TMEM131: variants seen among roughly 807,000 people sequenced by gnomAD.
The protein encoded by TMEM131 is 2610524E03Rik.
TMEM131 carries 66 observed loss-of-function variants against 211.6 expected under a neutral mutation model. The observed-to-expected ratio is 0.31, with a 90% CI of 0.26 to 0.38. The LOEUF (loss-of-function observed/expected upper bound fraction) is 0.38. Among genes scored for constraint, TMEM131 ranks in the 10% least tolerant of loss-of-function variants. TMEM131 has a pLI of 1.00. For synonymous variants in TMEM131, 844 were observed against 841.3 expected (o/e 1.00, Z -0.06); for missense variants, 2,036 against 2,299.3 (o/e 0.89, Z 2.34).
At chr2:97,776,136 C>T in intron 31 of TMEM131, 118 bp from the exon 32 acceptor site, 6 of 1,013,124 alleles carry the variant, frequency 5.9e-6, no homozygotes, top group Non-Finnish European at 8.5e-6. Context: ...TCACTGCAAG[C>T]TCCGCCTCCC....
At chr2:97,875,511 A>T (rs1410277070) in intron 4 of TMEM131, among the ~76,000 whole-genome samples, 1 of 152,228 alleles carries the variant, frequency 6.6e-6, no homozygotes, top group African/African-American at 2.4e-5. Context: ...AAATCATAAC[A>T]AACAGTTTCT....
chr2:97,792,637 A>G lies in TMEM131; in HGVS notation c.3893T>C (p.Leu1298Pro). 6.2e-7 allele frequency: 1 copy of G among 1,613,662 alleles called. No individual in the cohort carries two copies. Among genetic ancestry groups the G allele is most frequent in the Non-Finnish European group, 8.5e-7 (1 of 1,179,764 alleles). ...HGSQHHAHSP[L>P]EQHPQPPLPP... Reference sequence around the variant, plus strand: ...CAGAGGAGGCTGAGGGTGCTGCTCCAGCGGGCTGTGGGCATGGTGCTGGCT... The same window carrying G: ...CAGAGGAGGCTGAGGGTGCTGCTCCGGCGGGCTGTGGGCATGGTGCTGGCT... The change falls in exon 31 of 41, where the codon CTG becomes CCG. Residue 1298 changes from leucine (L) to proline (P), a missense_variant. Physicochemically the swap from Leu to Pro is moderately conservative, Grantham distance 98. Around this residue, in one of 3 missense-constraint regions of TMEM131, gnomAD observed 1,623 missense variants for 1,805.9 expected, o/e 0.90. Coordinates refer to ENST00000186436, the MANE Select transcript of TMEM131 (RefSeq NM_015348.2).
chr2:97,824,147 T>C (rs915476523), intron 11 of TMEM131, among the ~76,000 whole-genome samples: 2 of 152,150 alleles, frequency 1.3e-5, no homozygotes, highest in African/African-American at 4.8e-5. Flanking sequence ...GATTGTCCAA[T>C]GAAAAATAAG....
intron 4 of TMEM131, among the ~76,000 whole-genome samples, chr2:97,876,196 G>C (rs959967406): frequency 2.0e-5 from 3 of 152,170 alleles, no homozygotes; most frequent in African/African-American, 7.2e-5. Flanking sequence ...AACAAGTTCT[G>C]AAATTGAGGC....
chr2:97,814,126 T>G lies in TMEM131; in HGVS notation c.1462A>C (p.Lys488Gln), dbSNP rs758633976. ...KTMFKVHNFS[K>Q]PVLILPNESG... Reference sequence around the variant, plus strand: ...TCATTAGGAAGAATTAAGACTGGTTTGCTGAAGTTGTGAACCTGAGAAATG... The same window carrying G: ...TCATTAGGAAGAATTAAGACTGGTTGGCTGAAGTTGTGAACCTGAGAAATG... The change falls in exon 15 of 41, where the codon AAA (lysine) becomes CAA (glutamine). Residue 488 changes from lysine to glutamine, a missense_variant. Lys to Gln is a moderately conservative substitution (Grantham distance 53, BLOSUM62 1). Transcript: ENST00000186436. 6.2e-7 allele frequency: 1 copy of G among 1,611,772 alleles called. No homozygotes were observed. Among genetic ancestry groups the G allele is most frequent in the African/African-American group, 1.3e-5 (1 of 74,902 alleles).
At chr2:97,884,656 C>G (rs1327471288) in intron 4 of TMEM131, among the ~76,000 whole-genome samples, 1 of 152,136 alleles carries the variant, frequency 6.6e-6, no homozygotes, top group Non-Finnish European at 1.5e-5. Flanking sequence ...TAACTGATCC[C>G]TTTATCTCAT....
chr2:97,838,695 G>A (rs897402295), intron 7 of TMEM131, among the ~76,000 whole-genome samples: 16 of 151,936 alleles, frequency 1.1e-4, no homozygotes, highest in African/African-American at 1.9e-4. Context: ...CACCCATCTC[G>A]GCCTCCCAAA....
intron 11 of TMEM131, among the ~76,000 whole-genome samples, chr2:97,827,045 A>G (rs967965049): frequency 8.7e-5 from 13 of 150,246 alleles, no homozygotes; most frequent in Non-Finnish European, 1.9e-4. Context: ...AAAAGACACA[A>G]TGGGTATTCA....
At chr2:97,839,596 CAATA>C (rs1229356452) in intron 7 of TMEM131, among the ~76,000 whole-genome samples, 6 of 152,172 alleles carry the variant, frequency 3.9e-5, no homozygotes, top group African/African-American at 1.4e-4. Flanking sequence ...CAAATTCCCA[CAATA>C]AATGTTTCTG....
intron 3 of TMEM131, among the ~76,000 whole-genome samples, chr2:97,893,874 T>C (rs1029119508): frequency 3.9e-5 from 6 of 152,190 alleles, no homozygotes; most frequent in Non-Finnish European, 8.8e-5. Context: ...AGAAACTCTT[T>C]AGTTTAATTA....
At chr2:97,816,544 C>T (rs1681836143) in intron 12 of TMEM131, among the ~76,000 whole-genome samples, 1 of 152,100 alleles carries the variant, frequency 6.6e-6, no homozygotes, top group African/African-American at 2.4e-5. Flanking sequence ...TGTCATCCAA[C>T]CTCATGACAA....
At chr2:97,856,440 A>C (rs759391802) in intron 5 of TMEM131, among the ~76,000 whole-genome samples, 28 of 152,174 alleles carry the variant, frequency 1.8e-4, no homozygotes, top group Non-Finnish European at 3.5e-4. Flanking sequence ...GATTACTTGC[A>C]TGTGCGTGTT....
chr2:97,761,261 C>T (rs755455748), intron 36 of TMEM131: 32 of 203,330 alleles, frequency 1.6e-4, no homozygotes, highest in Middle Eastern at 1.9e-3. Flanking sequence ...CCGGAAAGGG[C>T]GGGGCCTCAG....
At chr2:97,886,764 T>A (rs1675178253) in intron 4 of TMEM131, among the ~76,000 whole-genome samples, 1 of 152,216 alleles carries the variant, frequency 6.6e-6, no homozygotes, top group African/African-American at 2.4e-5. Flanking sequence ...TTTAGTTGGA[T>A]GGTGTGGGTG....
chr2:97,805,003 A>C (rs1681225683), intron 22 of TMEM131, 85 bp downstream of exon 22: 1 of 958,508 alleles, frequency 1.0e-6, no homozygotes, highest in African/African-American at 1.6e-5. Context: ...AAAATAATCT[A>C]ACATAAGAAT....
chr2:97,763,126 CCCGGCTCCACTTCT>C (rs1232698798), intron 35 of TMEM131: 5 of 152,392 alleles, frequency 3.3e-5, no homozygotes, highest in African/African-American at 1.2e-4. Context: ...CCTGAGTACC[CCCGGCTCCACTTCT>C]CCCGTCCCCT....
chr2:97,820,092 G>A (rs1020408331), intron 11 of TMEM131, among the ~76,000 whole-genome samples: 2 of 152,226 alleles, frequency 1.3e-5, no homozygotes, highest in Admixed American at 1.3e-4. Flanking sequence ...TTCGTTCACA[G>A]GGTCTGAAAT....
chr2:97,933,855 A>G (rs928136358), intron 1 of TMEM131, among the ~76,000 whole-genome samples: 4 of 152,298 alleles, frequency 2.6e-5, no homozygotes, highest in South Asian at 2.1e-4. Flanking sequence ...ACACCTCTTC[A>G]TGATAAAAAC....
intron 25 of TMEM131, among the ~76,000 whole-genome samples, chr2:97,798,635 G>A (rs1680882722): frequency 6.6e-6 from 1 of 152,230 alleles, no homozygotes; most frequent in Non-Finnish European, 1.5e-5. Flanking sequence ...GTTGGCCACT[G>A]TGGAATGTGC....
Sources: gnomAD v4.1 joint callset for allele counts (sites outside exome capture counted in the v4.1 genomes callset) on GRCh38, gnomAD v4.1.1 for gene constraint, gnomAD v4.1.1 regional missense constraint, MANE v1.5 for transcripts, NCBI Gene and HGNC (gene_info 2026-07-23, HGNC 2026-07-21) for gene names.